Variants in POLQ observed in about 807,000 individuals in gnomAD.
POLQ encodes DNA polymerase theta.
A neutral mutation model predicts 259.2 loss-of-function variants in POLQ; 233 were observed. The ratio of observed to expected loss-of-function variants is 0.90; its 90% CI spans 0.81 to 1.00. The LOEUF is 1.00. POLQ is among the 50% of genes least tolerant of loss of function. The probability of loss-of-function intolerance (pLI) is 0.00; values close to 1 mark genes in which losing one functional copy is unlikely to be tolerated. For synonymous variants in POLQ, 1,025 were observed against 1,048.8 expected, an observed-to-expected ratio of 0.98 and a Z score of 0.44; for missense variants, 2,871 against 3,051.6, an observed-to-expected ratio of 0.94 and a Z score of 1.39.
At position 121,476,740 on chromosome 3, in the gene POLQ, GA is replaced by G. The variant is rs1180985730; in HGVS notation, c.6212-8del. On this transcript the variant is annotated splice_region_variant and splice_polypyrimidine_tract_variant and intron_variant, in intron 19 of 29. Transcript: ENST00000264233. ...TCCACCTTACGGAAAACATCTGGAA[GA>G]AAAAAGAAAATTAAAACGTTAATTC... 6.3e-7 allele frequency: 1 copy of G among 1,588,334 alleles called. No homozygotes were observed. The highest frequency in any genetic ancestry group is 1.8e-5 in the Admixed American group (1 of 55,216).
rs764467514 is a variant in POLQ, at chr3:121,467,502, G to T, written c.6967+17C>A. ...TCTCACAGCAATGAGAAGCTTCAAA[G>T]CTATCAGCCACCTTACCTGGGAAAG... is the stretch of plus-strand genomic sequence containing the variant. On this transcript the variant is annotated intron_variant, in intron 24 of 29. Transcript: ENST00000264233. 2 of 1,612,162 alleles carry T rather than the reference G, an allele frequency of 1.2e-6. No individual in the cohort carries two copies. The highest frequency in any genetic ancestry group is 1.7e-6 in the Non-Finnish European group (2 of 1,178,936).
chr3:121,524,725 T>C (rs1199763672), intron 7 of POLQ, among the ~76,000 whole-genome samples: 4 of 151,986 alleles, frequency 2.6e-5, no homozygotes, highest in African/African-American at 9.7e-5. Context: ...AAGTCTGGAA[T>C]AGAGGGAAGA....
chr3:121,453,160 C>G (rs1423565560), intron 25 of POLQ, among the ~76,000 whole-genome samples: 1 of 152,218 alleles, frequency 6.6e-6, no homozygotes, highest in African/African-American at 2.4e-5. Flanking sequence ...CAAACTCCAA[C>G]AGACCTGCAG....
At chr3:121,540,503 A>T (rs1299255860) in intron 3 of POLQ, among the ~76,000 whole-genome samples, 1 of 152,240 alleles carries the variant, frequency 6.6e-6, no homozygotes, top group East Asian at 1.9e-4. Flanking sequence ...TATTTGTGAA[A>T]ATGCCCTAAA....
intron 23 of POLQ, among the ~76,000 whole-genome samples, 154 bp from the exon 24 acceptor site, chr3:121,467,794 A>T (rs1170323994): frequency 6.6e-6 from 1 of 152,200 alleles, no homozygotes; most frequent in Non-Finnish European, 1.5e-5. Flanking sequence ...TAATACCAGC[A>T]CTTTGGGAAG....
intron 14 of POLQ, chr3:121,494,903 G>A (rs1198877527): frequency 2.1e-6 from 3 of 1,460,504 alleles, no homozygotes; most frequent in Admixed American, 3.4e-5. Flanking sequence ...CACTAAACTG[G>A]GTTAAATGTA....
At chr3:121,447,895 A>G (rs986350501) in intron 26 of POLQ, among the ~76,000 whole-genome samples, 4 of 152,184 alleles carry the variant, frequency 2.6e-5, no homozygotes, top group African/African-American at 9.7e-5. Context: ...TGCCAGACAT[A>G]TTGAAGCTCC....
intron 27 of POLQ, among the ~76,000 whole-genome samples, chr3:121,439,426 TCTCA>T (rs2047570780): frequency 6.6e-6 from 1 of 152,076 alleles, no homozygotes; most frequent in Admixed American, 6.6e-5. Context: ...ATATAGGTGA[TCTCA>T]CTATGTTGCC....
intron 9 of POLQ, among the ~76,000 whole-genome samples, chr3:121,514,605 C>T (rs2048281937): frequency 6.6e-6 from 1 of 152,002 alleles, no homozygotes; most frequent in African/African-American, 2.4e-5. Flanking sequence ...AGAGGCTTCC[C>T]AAGAAGCCAA....
Position 121,487,507 on chromosome 3 carries a change from T to A in POLQ, c.5424A>T (p.Leu1808Phe), listed in dbSNP as rs777226242. ...GAGTTAACTGTAATCCATCCTGTGA[T>A]AACTGAAGTGAAAAGCTTGTGTCAC... ...PISDTSFSLQ[L>F]SQDGLQLTPA... The change falls in exon 16 of 30, where the codon TTA becomes TTT. Residue 1808 changes from leucine (L) to phenylalanine (F), a missense_variant. Physicochemically the swap from Leu to Phe is conservative, Grantham distance 22 (BLOSUM62 0). Coordinates refer to ENST00000264233, the MANE Select transcript of POLQ (RefSeq NM_199420.4). 2.5e-6 allele frequency: 4 copies of A among 1,614,030 alleles called. No individual in the cohort carries two copies. In the Admixed American group the frequency reaches 6.7e-5, roughly 27 times the overall value.
chr3:121,544,990 T>C, intron 1 of POLQ, 84 bp from the exon 2 acceptor site: 1 of 798,678 alleles, frequency 1.3e-6, no homozygotes, highest in Non-Finnish European at 2.0e-6. Context: ...GTGTTGGAAT[T>C]CCTATGTGTT....
At chr3:121,533,871 A>T (rs980708274) in intron 5 of POLQ, among the ~76,000 whole-genome samples, 9 of 149,406 alleles carry the variant, frequency 6.0e-5, no homozygotes, top group Non-Finnish European at 1.0e-4. Context: ...ACTACTGAGC[A>T]TCACTTCATG....
At position 121,544,773 on chromosome 3, in the gene POLQ, G is replaced by T. The variant is rs1268818323; in HGVS notation, c.297C>A (p.Cys99Ter). The part of the protein sequence containing the change: ...VKKMFEWQAE[C>*]LLLGQVLEGK... ...CTTCCAGGACTTGTCCAAGCAAAAG[G>T]CACTCTGCCTGCCATTCAAACATCT... Residue 99 changes from cysteine to a stop codon, truncating the protein, a stop_gained, in exon 2 of 30, where the codon TGC becomes TGA. Coordinates refer to ENST00000264233, the MANE Select transcript of POLQ (RefSeq NM_199420.4). LOFTEE classifies it high-confidence loss of function. The T allele has an allele frequency of 6.2e-7, 1 of 1,613,380 alleles. No homozygotes were observed. The highest frequency in any genetic ancestry group is 2.2e-5 in the East Asian group (1 of 44,848).
chr3:121,475,752 G>C (rs1291948359), intron 20 of POLQ, among the ~76,000 whole-genome samples: 4 of 152,148 alleles, frequency 2.6e-5, no homozygotes, highest in Non-Finnish European at 5.9e-5. Context: ...TTTACTCTTA[G>C]TCCAGGATTT....
Position 121,544,743 on chromosome 3 carries a change from C to G in POLQ, c.327G>C (p.Lys109Asn), listed in dbSNP as rs142782936. 8.7e-6 allele frequency: 14 copies of G among 1,609,566 alleles called. No individual in the cohort carries two copies. Among genetic ancestry groups the G allele is most frequent in the Non-Finnish European group, 1.2e-5 (14 of 1,176,854 alleles). Residue 109 changes from lysine (K) to asparagine (N), a missense_variant, in exon 2 of 30, where the codon AAG (lysine) becomes AAC (asparagine). Physicochemically the swap from Lys to Asn is moderately conservative, Grantham distance 94. This residue lies in a region of POLQ where 783 missense variants were observed against 906.2 expected (regional missense o/e 0.86). Transcript: ENST00000264233. ...CLLLGQVLEG[K>N]NLVYSAPTSA... ...TTTGGATACCTGAATAAACTAAATT[C>G]TTTCCTTCCAGGACTTGTCCAAGCA...
At chr3:121,486,433 A>T (rs1358976636) in intron 16 of POLQ, among the ~76,000 whole-genome samples, 2 of 152,190 alleles carry the variant, frequency 1.3e-5, no homozygotes, top group Non-Finnish European at 2.9e-5. Flanking sequence ...ATGCACCTGT[A>T]GTCCCAGCTA....
rs549516671 is a variant in POLQ, at chr3:121,544,772, G to A, written c.298C>T (p.Leu100Phe). ...CCTTCCAGGACTTGTCCAAGCAAAA[G>A]GCACTCTGCCTGCCATTCAAACATC... The part of the protein sequence containing the change: ...KKMFEWQAEC[L>F]LLGQVLEGKN... The change falls in exon 2 of 30, where the codon CTT (leucine) becomes TTT (phenylalanine). Residue 100 changes from leucine to phenylalanine, a missense_variant. Around this residue, in one of 3 missense-constraint regions of POLQ, gnomAD observed 783 missense variants for 906.2 expected, o/e 0.86. Coordinates refer to ENST00000264233, the MANE Select transcript of POLQ (RefSeq NM_199420.4). 1.9e-6 allele frequency: 3 copies of A among 1,613,562 alleles called. No homozygotes were observed. The South Asian group carries it at 3.3e-5, about 18-fold the overall frequency.
Position 121,545,969 on chromosome 3 carries a change from T to A in POLQ, c.-92A>T, listed in dbSNP as rs773612738. On this transcript the variant is annotated 5_prime_UTR_variant, in exon 1 of 30. Coordinates refer to ENST00000264233, the MANE Select transcript of POLQ (RefSeq NM_199420.4). ...GGCCTGGCAACAGCTGCGGACATCT[T>A]CCCGCCAGTCTTCAAACTCAAACCT... 1.4e-6 allele frequency: 2 copies of A among 1,438,770 alleles called. No homozygotes were observed. The highest frequency in any genetic ancestry group is 1.9e-6 in the Non-Finnish European group (2 of 1,053,096). The allele number at this position is 1,438,770 out of a possible 1,614,324, so 89.1% of individuals were successfully genotyped here.
chr3:121,467,180 T>C (rs1433075434), intron 24 of POLQ, among the ~76,000 whole-genome samples: 1 of 148,900 alleles, frequency 6.7e-6, no homozygotes, highest in East Asian at 2.0e-4. Context: ...GAAGAAGGAG[T>C]TGATTAACAG....
Sources: gnomAD v4.1 joint callset for allele counts (sites outside exome capture counted in the v4.1 genomes callset) on GRCh38, gnomAD v4.1.1 for gene constraint, gnomAD v4.1.1 regional missense constraint, MANE v1.5 for transcripts, NCBI Gene and HGNC (gene_info 2026-07-23, HGNC 2026-07-21) for gene names.